The following KCNAB3 variants were observed in gnomAD, a reference collection of about 807,000 sequenced individuals.
KCNAB3 encodes the protein potassium voltage-gated channel subfamily A regulatory beta subunit 3, also known as voltage-gated potassium channel subunit beta-3.
A neutral mutation model predicts 67.7 loss-of-function variants in KCNAB3; 62 were observed. The observed-to-expected ratio is 0.92, with a 90% confidence interval of 0.75 to 1.13. The LOEUF (loss-of-function observed/expected upper bound fraction) is 1.13. Among genes scored for constraint, KCNAB3 ranks in the 50% most tolerant of loss-of-function variants. The probability of loss-of-function intolerance (pLI) is 0.00; values close to 1 mark genes in which losing one functional copy is unlikely to be tolerated. For synonymous variants in KCNAB3, 212 were observed against 205.4 expected (o/e 1.03, Z -0.27); for missense variants, 514 against 522.9 (o/e 0.98, Z 0.17).
Position 7,929,420 on chromosome 17 carries a change from C to G in KCNAB3, c.16G>C (p.Ala6Pro). The change falls in exon 1 of 14, where the codon GCG becomes CCG. Residue 6 changes from alanine (A) to proline (P), a missense_variant. Ala to Pro is a conservative substitution (Grantham distance 27, BLOSUM62 -1). Transcript: ENST00000303790. The surrounding 1 kb of genome is among the most constrained non-coding windows in gnomAD (Gnocchi z 5.7). ...CTGCGAAGGTTCTGCTCGGTACACG[C>G]GATAGACACCTGCATGCTGGCTGGC... is the stretch of plus-strand genomic sequence containing the variant. MQVSI[A>P]CTEQNLRSRS... The G allele has an allele frequency of 6.5e-7, 1 of 1,547,844 alleles. No individual in the cohort carries two copies. The highest frequency in any genetic ancestry group is 8.7e-7 in the Non-Finnish European group (1 of 1,146,342).
Position 7,929,833 on chromosome 17 carries a change from C to CAT in KCNAB3, c.-399_-398insAT. ...GCTGCGGGACCCGCTGGGCTCCCAG[C>CAT]CGCGTCGGCAGCGGGCCCAGCTCAT... On this transcript the variant is annotated 5_prime_UTR_variant, in exon 1 of 14. It adds an upstream start codon to the 5' untranslated region. Coordinates refer to ENST00000303790, the MANE Select transcript of KCNAB3 (RefSeq NM_004732.4). This position sits in a 1 kb window ranked among gnomAD's most constrained non-coding sequence, Gnocchi z 5.7. The CAT allele has an allele frequency of 1.3e-5, 13 of 1,028,754 alleles. No homozygotes were observed. The Admixed American group carries it at 1.7e-4, about 13-fold the overall frequency. The allele number at this position is 1,028,754 out of a possible 1,614,324, so 63.7% of individuals were successfully genotyped here. A position where few individuals can be genotyped will look rare whatever the true frequency, so the allele number is the denominator to read the frequency against.
intron 1 of KCNAB3, 96 bp from the exon 2 acceptor site, chr17:7,927,922 C>G (rs1397195248): frequency 1.4e-5 from 20 of 1,438,432 alleles, no homozygotes; most frequent in Non-Finnish European, 1.9e-5. Context: ...GAGAAGCCCT[C>G]AGGTGTCTCA....
chr17:7,925,833 C>T (rs750733196), intron 6 of KCNAB3, 98 bp downstream of exon 6: 33 of 1,586,758 alleles, frequency 2.1e-5, no homozygotes, highest in Admixed American at 5.0e-5. Context: ...AGGCATGGTG[C>T]GGACCTGGTG....
chr17:7,925,193 G>T lies in KCNAB3; in HGVS notation c.539-10C>A, dbSNP rs2151715804. 6.2e-7 allele frequency: 1 copy of T among 1,611,552 alleles called. No homozygotes were observed. ...AGGGATCCTCGCAAGCCTGGAGGTGGGGTAGGGAGAAGAAAATAAGCACCT... is the reference window on the plus strand; with the variant it reads ...AGGGATCCTCGCAAGCCTGGAGGTGTGGTAGGGAGAAGAAAATAAGCACCT... On this transcript the variant is annotated splice_polypyrimidine_tract_variant and intron_variant, in intron 7 of 13. Coordinates refer to ENST00000303790, the MANE Select transcript of KCNAB3 (RefSeq NM_004732.4).
rs1015278089 is a variant in KCNAB3, at chr17:7,925,813, G to C, written c.495-87C>G. The C allele has an allele frequency of 1.5e-5, 24 of 1,592,324 alleles. No individual in the cohort carries two copies. The East Asian group carries it at 4.9e-4, about 33-fold the overall frequency. On this transcript the variant is annotated intron_variant, in intron 6 of 13. Coordinates refer to ENST00000303790, the MANE Select transcript of KCNAB3 (RefSeq NM_004732.4). The stretch of plus-strand genomic sequence containing the variant: ...GAGCCATAAGGAAATGGGATTGCAC[G>C]AGTCTTCACAGGCATGGTGCGGACC...
At chr17:7,925,017 A>G (rs1364546322) in intron 8 of KCNAB3, 80 bp downstream of exon 8, 2 of 1,258,138 alleles carry the variant, frequency 1.6e-6, no homozygotes, top group Non-Finnish European at 2.3e-6. Flanking sequence ...ACGTCCTGGG[A>G]TTACAGGAAT....
rs758175732 is a variant in KCNAB3, at chr17:7,929,318, GC to G, written c.117del (p.His40ThrfsTer39). On this transcript the variant is annotated frameshift_variant, in exon 1 of 14. Coordinates refer to ENST00000303790, the MANE Select transcript of KCNAB3 (RefSeq NM_004732.4). LOFTEE classifies it high-confidence loss of function. The surrounding 1 kb of genome is among the most constrained non-coding windows in gnomAD (Gnocchi z 5.7). ...CCTCCACCCCCCGGAGGATTCCCGT[GC>G]CCCCCGCCGGCCGGCCCACCATTAC... The part of the protein sequence containing the change: ...GGGNGGPAGG[G>X]HGNPPGGGGS... 9 of 1,553,880 alleles carry G rather than the reference GC, an allele frequency of 5.8e-6. No individual in the cohort carries two copies. The Middle Eastern group carries it at 5.2e-4, about 90-fold the overall frequency.
intron 2 of KCNAB3, 34 bp downstream of exon 2, chr17:7,927,749 T>A: frequency 1.9e-6 from 3 of 1,614,122 alleles, no homozygotes; most frequent in Non-Finnish European, 2.5e-6. Flanking sequence ...CATGAAAGAA[T>A]GCCCTCCTTT....
chr17:7,925,078 T>C lies in KCNAB3; in HGVS notation c.625+19A>G, dbSNP rs1239038085. ...GCTCAGTTTTGAAGGACTGTAAGGT[T>C]TGGGGGTGCTGCTTTTACCCTCCAT... On this transcript the variant is annotated intron_variant, in intron 8 of 13. Coordinates refer to ENST00000303790, the MANE Select transcript of KCNAB3 (RefSeq NM_004732.4). The C allele has an allele frequency of 6.2e-7, 1 of 1,609,338 alleles. No homozygotes were observed. Among genetic ancestry groups the C allele is most frequent in the South Asian group, 1.1e-5 (1 of 90,980 alleles).
chr17:7,925,544 AAAAAAAAG>A (rs1598034907), intron 7 of KCNAB3, 131 bp downstream of exon 7: 106 of 771,830 alleles, frequency 1.4e-4, no homozygotes, highest in Admixed American at 1.9e-4. Context: ...AAAAAAAAAA[AAAAAAAAG>A]AATTCAGACC....
At chr17:7,928,980 C>T in intron 1 of KCNAB3, 1 of 737,900 alleles carries the variant, frequency 1.4e-6, no homozygotes, top group Non-Finnish European at 2.1e-6. Flanking sequence ...TGACAGGACC[C>T]AGTCAACCTT....
chr17:7,923,929 T>C (rs1411721127), intron 11 of KCNAB3, 39 bp downstream of exon 11: 1 of 1,345,048 alleles, frequency 7.4e-7, no homozygotes, highest in South Asian at 1.2e-5. Flanking sequence ...AAGCAGCCCA[T>C]ATAGCCCAGT....
intron 9 of KCNAB3, 46 bp from the exon 10 acceptor site, chr17:7,924,311 G>GA: frequency 6.2e-7 from 1 of 1,612,220 alleles, no homozygotes; most frequent in South Asian, 1.1e-5. Flanking sequence ...CACTACTTCC[G>GA]TTTTCTTCTC....
chr17:7,924,274 G>A lies in KCNAB3; in HGVS notation c.712-9C>T. 1 of 1,614,000 alleles carries A rather than the reference G, an allele frequency of 6.2e-7. No individual in the cohort carries two copies. The highest frequency in any genetic ancestry group is 8.5e-7 in the Non-Finnish European group (1 of 1,179,982). On this transcript the variant is annotated splice_polypyrimidine_tract_variant and intron_variant, in intron 9 of 13. Transcript: ENST00000303790. ...GCCATGGAGTAGGCCTCCTGGGTTG[G>A]GGTTGGGGAAAAGAAAGTGGTCAGA... is the stretch of plus-strand genomic sequence containing the variant.
At chr17:7,928,470 A>G (rs1972309513) in intron 1 of KCNAB3, 1 of 161,020 alleles carries the variant, frequency 6.2e-6, no homozygotes, top group Admixed American at 5.9e-5. Flanking sequence ...CAAAGCCCCC[A>G]ACCCAGGTGT....
intron 8 of KCNAB3, chr17:7,924,807 A>G (rs1396062929): frequency 5.2e-6 from 4 of 764,200 alleles, no homozygotes; most frequent in Middle Eastern, 4.1e-4. Context: ...CAGTGGTGCA[A>G]TCATAGCTCA....
At chr17:7,927,870 TG>T in intron 1 of KCNAB3, 44 bp from the exon 2 acceptor site, 2 of 1,611,210 alleles carry the variant, frequency 1.2e-6, no homozygotes, top group South Asian at 2.2e-5. Flanking sequence ...GCCTCCATTA[TG>T]GACTTAGATT....
rs1248374188 is a variant in KCNAB3, at chr17:7,923,494, T to A, written c.1099A>T (p.Ser367Cys). 4.3e-6 allele frequency: 7 copies of A among 1,612,544 alleles called. No individual in the cohort carries two copies. The highest frequency in any genetic ancestry group is 1.3e-5 in the African/African-American group (1 of 74,790). The part of the protein sequence containing the change: ...GVSSVLLGVS[S>C]AEQLIEHLGA... The stretch of plus-strand genomic sequence containing the variant: ...AGGTGTTCTATCAACTGCTCCGCAC[T>A]CGACACCCCCAGCAAGACAGAGCTG... The change falls in exon 13 of 14, where the codon AGT becomes TGT. Residue 367 changes from serine (S) to cysteine (C), a missense_variant. Coordinates refer to ENST00000303790, the MANE Select transcript of KCNAB3 (RefSeq NM_004732.4).
chr17:7,929,124 G>A lies in KCNAB3; in HGVS notation c.242+70C>T, dbSNP rs182223235. 783 of 1,574,664 alleles carry A rather than the reference G, an allele frequency of 5.0e-4. 3 individuals carry two copies. In the African/African-American group the frequency reaches 9.9e-3, roughly 20 times the overall value. The stretch of plus-strand genomic sequence containing the variant: ...AGTGAAGTTTGAAGGGGTCTTGGCG[G>A]CCATCTCAAGCAGTCTCAGGGGTCC... On this transcript the variant is annotated intron_variant, in intron 1 of 13. Transcript: ENST00000303790. This position sits in a 1 kb window ranked among gnomAD's most constrained non-coding sequence, Gnocchi z 5.7.
Sources: allele counts gnomAD v4.1 joint callset, GRCh38; gene constraint gnomAD v4.1.1; non-coding constraint Gnocchi (gnomAD v3.1); transcripts MANE v1.5; gene names NCBI Gene and HGNC (gene_info 2026-07-23, HGNC 2026-07-21).